The following MARCO variants were observed in gnomAD, a reference collection of about 807,000 sequenced individuals.
The protein encoded by MARCO is macrophage receptor MARCO.
In MARCO, 72 loss-of-function variants were observed where a neutral mutation model predicts 70.0. The observed-to-expected ratio is 1.03, with a 90% CI of 0.85 to 1.25. MARCO has a LOEUF of 1.25. Ranked by LOEUF, MARCO falls within the 50% of genes most tolerant of loss-of-function variation. MARCO has a pLI of 0.00. For missense variants in MARCO, 696 were observed against 659.3 expected, an observed-to-expected ratio of 1.06 and a Z score of -0.61; for synonymous variants, 273 against 243.1, an observed-to-expected ratio of 1.12 and a Z score of -1.14.
intron 1 of MARCO, among the ~76,000 whole-genome samples, chr2:118,942,856 G>A (rs1259356612): frequency 6.6e-6 from 1 of 152,106 alleles, no homozygotes; most frequent in Non-Finnish European, 1.5e-5. Flanking sequence ...GTGCTGGTCA[G>A]GAAACATATT....
At chr2:118,982,512 C>T in intron 12 of MARCO, 102 bp downstream of exon 12, 1 of 1,126,364 alleles carries the variant, frequency 8.9e-7, no homozygotes, top group South Asian at 1.3e-5. Context: ...GGCAGAGGGT[C>T]TTCTGTGCCT....
chr2:118,992,648 C>A (rs1342805443), intron 15 of MARCO, among the ~76,000 whole-genome samples, 172 bp downstream of exon 15: 1 of 151,774 alleles, frequency 6.6e-6, no homozygotes, highest in Non-Finnish European at 1.5e-5. Flanking sequence ...GCAGCAGTTT[C>A]TCTCCCCAGC....
Position 118,977,869 on chromosome 2 carries a change from G to A in MARCO, c.700G>A (p.Gly234Arg). 5 of 1,613,164 alleles carry A rather than the reference G, an allele frequency of 3.1e-6. No individual in the cohort carries two copies. Among genetic ancestry groups the A allele is most frequent in the Non-Finnish European group, 4.2e-6 (5 of 1,179,640 alleles). The change falls in exon 8 of 17, where the codon GGG becomes AGG. Residue 234 changes from glycine (G) to arginine (R), a missense_variant. By Grantham distance (125) the Gly-to-Arg change is moderately radical. Transcript: ENST00000327097. ...AGGAGAGAAGGGCAGCAAAGGCGAT[G>A]GGGGTCTCATTGGCCCAAAAGGGGA... is the stretch of plus-strand genomic sequence containing the variant. ...PQGEKGSKGD[G>R]GLIGPKGETG... is the part of the protein sequence containing the mutation.
intron 1 of MARCO, among the ~76,000 whole-genome samples, chr2:118,963,360 A>G (rs903353448): frequency 1.3e-5 from 2 of 152,004 alleles, no homozygotes; most frequent in African/African-American, 4.8e-5. Context: ...ATTATATAGA[A>G]GTCCTTTTTT....
At chr2:118,951,132 T>C (rs1679714741) in intron 1 of MARCO, among the ~76,000 whole-genome samples, 1 of 152,232 alleles carries the variant, frequency 6.6e-6, no homozygotes, top group African/African-American at 2.4e-5. Flanking sequence ...CTAACTCTGC[T>C]TCTACAAGAG....
chr2:118,993,449 T>C (rs1680662282), intron 16 of MARCO, 149 bp downstream of exon 16: 5 of 710,538 alleles, frequency 7.0e-6, no homozygotes, highest in Non-Finnish European at 1.2e-5. Context: ...AGTGCAGGGC[T>C]CCAGGTATGC....
chr2:118,973,206 C>G (rs923121040), intron 4 of MARCO, among the ~76,000 whole-genome samples: 2 of 152,106 alleles, frequency 1.3e-5, no homozygotes, highest in African/African-American at 4.8e-5. Flanking sequence ...CCAACTCTCT[C>G]TCTCCATGTC....
chr2:118,950,914 C>A (rs1279208424), intron 1 of MARCO, among the ~76,000 whole-genome samples: 1 of 152,110 alleles, frequency 6.6e-6, no homozygotes, highest in African/African-American at 2.4e-5. Context: ...ACATATGACA[C>A]TGTTAATATT....
rs1680386270 is a variant in MARCO at position 118,981,418 on chromosome 2, G to A, written c.776G>A (p.Gly259Glu). ...CTTTTTGGTTTTTCAGGAAGCAAAG[G>A]GGACAGGGGCATGAAAGGAGATGCA... ...KGDLGLPGSK[G>E]DRGMKGDAGV... Residue 259 changes from glycine to glutamate, a missense_variant, in exon 9 of 17, where the codon GGG (glycine) becomes GAG (glutamate). By Grantham distance (98) the Gly-to-Glu change is moderately conservative. This residue lies in a region of MARCO where 605 missense variants were observed against 537.6 expected (regional missense o/e 1.13). Coordinates refer to ENST00000327097, the MANE Select transcript of MARCO (RefSeq NM_006770.4). The A allele has an allele frequency of 1.2e-6, 2 of 1,600,050 alleles. No individual in the cohort carries two copies. The highest frequency in any genetic ancestry group is 8.5e-7 in the Non-Finnish European group (1 of 1,176,708).
chr2:118,952,863 G>T (rs1476067994), intron 1 of MARCO: 1 of 152,124 alleles, frequency 6.6e-6, no homozygotes, highest in Non-Finnish European at 1.5e-5. Flanking sequence ...AAAATTGTTA[G>T]AAATACATCA....
Position 118,990,574 on chromosome 2 carries a change from T to C in MARCO, c.1064-15T>C, listed in dbSNP as rs1680602313. Reference sequence around the variant, plus strand: ...TATTATCTCCTCCCCCCCCCCTTTTTTGTTTTGATCTTAGGACTTCAAGGA... The same window carrying C: ...TATTATCTCCTCCCCCCCCCCTTTTCTGTTTTGATCTTAGGACTTCAAGGA... On this transcript the variant is annotated splice_polypyrimidine_tract_variant and intron_variant, in intron 12 of 16. Transcript: ENST00000327097. 2.7e-6 allele frequency: 3 copies of C among 1,115,582 alleles called. No homozygotes were observed. Among genetic ancestry groups the C allele is most frequent in the East Asian group, 3.1e-5 (1 of 32,332 alleles). 69.1% of individuals were successfully genotyped at this position (1,115,582 alleles called of 1,614,324 possible). A position where few individuals can be genotyped will look rare whatever the true frequency, so the allele number is the denominator to read the frequency against.
Position 118,969,982 on chromosome 2 carries a change from G to C in MARCO, c.200-132G>C, listed in dbSNP as rs1346048815. ...TAGAAAAGGCCGTGTGCTCACGCTAGGTCCTGACAGCACATGGAATTTGTG... is the reference window on the plus strand; with the variant it reads ...TAGAAAAGGCCGTGTGCTCACGCTACGTCCTGACAGCACATGGAATTTGTG... On this transcript the variant is annotated intron_variant, in intron 2 of 16. Coordinates refer to ENST00000327097, the MANE Select transcript of MARCO (RefSeq NM_006770.4). 3 of 764,842 alleles carry C rather than the reference G, an allele frequency of 3.9e-6. No homozygotes were observed. In the East Asian group the frequency reaches 7.6e-5, roughly 19 times the overall value. The allele number at this position is 764,842 out of a possible 1,614,324, so 47.4% of individuals were successfully genotyped here. A position where few individuals can be genotyped will look rare whatever the true frequency, so the allele number is the denominator to read the frequency against.
intron 3 of MARCO, among the ~76,000 whole-genome samples, chr2:118,971,093 C>T (rs1680159580): frequency 6.6e-6 from 1 of 152,254 alleles, no homozygotes; most frequent in South Asian, 2.1e-4. Flanking sequence ...TGAGGAGGGG[C>T]GATAGCTGTG....
chr2:118,967,142 T>C (rs1325964597), intron 1 of MARCO, among the ~76,000 whole-genome samples: 1 of 152,172 alleles, frequency 6.6e-6, no homozygotes, highest in African/African-American at 2.4e-5. Context: ...ATCAGTGCTA[T>C]GGCAGAGAGA....
intron 6 of MARCO, among the ~76,000 whole-genome samples, chr2:118,974,768 C>T (rs1053203132): frequency 6.6e-6 from 1 of 152,120 alleles, no homozygotes; most frequent in Admixed American, 6.6e-5. Flanking sequence ...GGCAGCCGCC[C>T]TCAGGGGCAG....
chr2:118,969,130 C>G, intron 1 of MARCO, 30 bp from the exon 2 acceptor site: 1 of 1,500,426 alleles, frequency 6.7e-7, no homozygotes, highest in Non-Finnish European at 9.3e-7. Flanking sequence ...TTCTCTGCAG[C>G]AGCCTCCTTC....
At chr2:118,981,000 T>C (rs1217523579) in intron 8 of MARCO, among the ~76,000 whole-genome samples, 3 of 152,216 alleles carry the variant, frequency 2.0e-5, no homozygotes, top group Non-Finnish European at 4.4e-5. Context: ...TTTCTCTCTA[T>C]TGATGCCTCA....
chr2:118,979,879 T>A (rs547350384), intron 8 of MARCO, among the ~76,000 whole-genome samples: 1 of 152,304 alleles, frequency 6.6e-6, no homozygotes, highest in East Asian at 1.9e-4. Context: ...AGTAGACAGA[T>A]AAGCCACCAA....
chr2:118,990,997 A>C (rs1680611999), intron 13 of MARCO, among the ~76,000 whole-genome samples: 1 of 152,080 alleles, frequency 6.6e-6, no homozygotes, highest in African/African-American at 2.4e-5. Flanking sequence ...TCCCCACCTC[A>C]GCTGTGGCCC....
Sources: gnomAD v4.1 joint callset for allele counts (sites outside exome capture counted in the v4.1 genomes callset) on GRCh38, gnomAD v4.1.1 for gene constraint, gnomAD v4.1.1 regional missense constraint, MANE v1.5 for transcripts, NCBI Gene and HGNC (gene_info 2026-07-23, HGNC 2026-07-21) for gene names.